Variants in PTK2B observed in about 807,000 individuals in gnomAD.
PTK2B encodes protein-tyrosine kinase 2-beta.
In PTK2B, 71 loss-of-function variants were observed where a neutral mutation model predicts 142.9. That is an observed-to-expected ratio of 0.50 (90% CI 0.41 to 0.61). The LOEUF is 0.61. Among genes scored for constraint, PTK2B ranks in the 20% least tolerant of loss-of-function variants. PTK2B has a pLI of 0.00. For synonymous variants in PTK2B, 519 were observed against 503.4 expected (o/e 1.03, Z -0.42); for missense variants, 1,105 against 1,320.4 (o/e 0.84, Z 2.53).
chr8:27,346,316 G>A (rs1378507208), intron 1 of PTK2B, among the ~76,000 whole-genome samples: 2 of 152,096 alleles, frequency 1.3e-5, no homozygotes, highest in Admixed American at 6.6e-5. Flanking sequence ...TAGGCAGATC[G>A]TTTGAACCAG....
At position 27,402,681 on chromosome 8, in the gene PTK2B, A is replaced by G. The variant is rs577066397; in HGVS notation, c.204+4893A>G. 6.6e-5 allele frequency among the ~76,000 whole-genome samples: 10 copies of G among 152,312 alleles called. No homozygotes were observed. The South Asian group carries it at 2.1e-3, about 32-fold the overall frequency. On this transcript the variant is annotated intron_variant, in intron 2 of 30. Coordinates refer to ENST00000346049, the MANE Select transcript of PTK2B (RefSeq NM_173176.3). ...GTAGGGCTTCCTGGCCAAGAGTGAGACTGACATGGACTCACACTAATGAAT... is the reference window on the plus strand; with the variant it reads ...GTAGGGCTTCCTGGCCAAGAGTGAGGCTGACATGGACTCACACTAATGAAT...
intron 1 of PTK2B, among the ~76,000 whole-genome samples, chr8:27,378,821 T>A (rs545766880): frequency 6.6e-6 from 1 of 152,244 alleles, no homozygotes; most frequent in African/African-American, 2.4e-5. Flanking sequence ...ACAGTTCCCC[T>A]CCTCACTGGC....
chr8:27,322,825 T>A (rs1281969418), upstream of PTK2B: 1 of 140,352 alleles, frequency 7.1e-6, no homozygotes, highest in Non-Finnish European at 1.5e-5. Context: ...CCCTCCAATA[T>A]CCCCTGGTCT....
intron 2 of PTK2B, 39 bp downstream of exon 2, chr8:27,397,827 C>A (rs1412478404): frequency 1.1e-5 from 17 of 1,604,026 alleles, no homozygotes; most frequent in Non-Finnish European, 1.3e-5. Flanking sequence ...CTGTCTGTCC[C>A]TCTGTCTTCT....
intron 3 of PTK2B, among the ~76,000 whole-genome samples, chr8:27,320,237 C>T (rs1477973347): frequency 1.3e-5 from 2 of 152,136 alleles, no homozygotes; most frequent in Admixed American, 6.6e-5. Flanking sequence ...CCTTACTCAC[C>T]CTTCAAATTG....
chr8:27,353,816 C>A (rs7834529), intron 1 of PTK2B, among the ~76,000 whole-genome samples: 124,798 of 152,150 alleles, frequency 0.82, 51,867 homozygotes, highest in African/African-American at 0.88. Context: ...GAGCAGGGGA[C>A]AAAGAGCCTC....
intron 1 of PTK2B, among the ~76,000 whole-genome samples, chr8:27,350,310 T>G: frequency 6.6e-6 from 1 of 152,224 alleles, no homozygotes; most frequent in East Asian, 1.9e-4. Context: ...TGGATGTTAT[T>G]GAAACCTTGA....
At chr8:27,416,521 A>G (rs954137473) in intron 2 of PTK2B, among the ~76,000 whole-genome samples, 2 of 127,252 alleles carry the variant, frequency 1.6e-5, no homozygotes, top group Non-Finnish European at 3.7e-5. Flanking sequence ...ACTAAAAATT[A>G]AAACTGTGAA....
At chr8:27,406,587 G>A (rs775514508) in intron 2 of PTK2B, among the ~76,000 whole-genome samples, 4 of 152,146 alleles carry the variant, frequency 2.6e-5, no homozygotes, top group African/African-American at 4.8e-5. Context: ...CACACCTCCT[G>A]GAAGTTGGCA....
At chr8:27,391,027 G>A (rs1307250452) in intron 1 of PTK2B, among the ~76,000 whole-genome samples, 1 of 152,070 alleles carries the variant, frequency 6.6e-6, no homozygotes, top group Non-Finnish European at 1.5e-5. Context: ...ACATCATACG[G>A]CCTTTCTGAC....
rs747249458 is a variant in PTK2B at position 27,454,617 on chromosome 8, C to T, written c.2814+6C>T. ...CGTCATCTTCACGGACAGAGGTGAG[C>T]GTCCCATTCCAGACAGCACCATAGG... is the stretch of plus-strand genomic sequence containing the variant. On this transcript the variant is annotated splice_donor_region_variant and intron_variant, in intron 30 of 30. Coordinates refer to ENST00000346049, the MANE Select transcript of PTK2B (RefSeq NM_173176.3). The T allele has an allele frequency of 7.4e-6, 12 of 1,613,188 alleles. No homozygotes were observed. Among genetic ancestry groups the T allele is most frequent in the African/African-American group, 1.3e-5 (1 of 74,900 alleles).
At chr8:27,348,525 G>A (rs2130391159) in intron 1 of PTK2B, among the ~76,000 whole-genome samples, 1 of 152,244 alleles carries the variant, frequency 6.6e-6, no homozygotes, top group African/African-American at 2.4e-5. Context: ...AACCGGTAAG[G>A]GAAGTGCGAT....
intron 2 of PTK2B, among the ~76,000 whole-genome samples, chr8:27,418,131 G>A (rs946406801): frequency 6.6e-6 from 1 of 152,158 alleles, no homozygotes; most frequent in Non-Finnish European, 1.5e-5. Context: ...AGTGCATTCT[G>A]TGCCTCTGTT....
chr8:27,327,863 T>A (rs541153666), intron 1 of PTK2B, among the ~76,000 whole-genome samples: 188 of 152,358 alleles, frequency 1.2e-3, no homozygotes, highest in African/African-American at 4.4e-3. Flanking sequence ...GGATCCCTGA[T>A]AATGTATGTA....
intron 5 of PTK2B, among the ~76,000 whole-genome samples, chr8:27,428,916 T>C (rs1409461257): frequency 6.6e-6 from 1 of 152,144 alleles, no homozygotes; most frequent in Non-Finnish European, 1.5e-5. Context: ...ATGCCTTGAG[T>C]GTCTTCTTTT....
At chr8:27,342,078 G>C (rs866025243) in intron 1 of PTK2B, among the ~76,000 whole-genome samples, 2 of 152,150 alleles carry the variant, frequency 1.3e-5, no homozygotes, top group African/African-American at 4.8e-5. Flanking sequence ...TGATGTGGAC[G>C]CTGCTGGCCT....
Position 27,434,513 on chromosome 8 carries a change from A to C in PTK2B, c.1146A>C (p.Leu382=). The C allele has an allele frequency of 1.2e-6, 2 of 1,609,680 alleles. No homozygotes were observed. The highest frequency in any genetic ancestry group is 1.7e-6 in the Non-Finnish European group (2 of 1,178,116). ...KRNSLPQIPM[L]NLEARRSHLS... ...GCTTCTGCTCTCTCACCTCCTACAGAAACCTGGAGGCCCGGCGGTCCCACC... is the reference window on the plus strand; with the variant it reads ...GCTTCTGCTCTCTCACCTCCTACAGCAACCTGGAGGCCCGGCGGTCCCACC... Residue 382 remains leucine, a splice_region_variant and synonymous_variant, in exon 13 of 31, where the codon CTA becomes CTC. Coordinates refer to ENST00000346049, the MANE Select transcript of PTK2B (RefSeq NM_173176.3).
chr8:27,372,912 T>A (rs1488032909), intron 1 of PTK2B, among the ~76,000 whole-genome samples: 1 of 152,178 alleles, frequency 6.6e-6, no homozygotes, highest in Non-Finnish European at 1.5e-5. Context: ...ATACAAAGTC[T>A]AAATTTCCAC....
intron 1 of PTK2B, among the ~76,000 whole-genome samples, chr8:27,373,826 A>C (rs1471034396): frequency 6.6e-6 from 1 of 152,084 alleles, no homozygotes; most frequent in African/African-American, 2.4e-5. Context: ...CCCTGAGAGA[A>C]GAGCCTTGGG....
Sources: gnomAD v4.1 joint callset for allele counts (sites outside exome capture counted in the v4.1 genomes callset) on GRCh38, gnomAD v4.1.1 for gene constraint, MANE v1.5 for transcripts, NCBI Gene and HGNC (gene_info 2026-07-23, HGNC 2026-07-21) for gene names.